Variants in SGCZ observed in about 807,000 individuals in gnomAD.
The protein encoded by SGCZ is sarcoglycan zeta.
A neutral mutation model predicts 41.3 loss-of-function variants in SGCZ; 40 were observed. The ratio of observed to expected loss-of-function variants is 0.97; its 90% CI spans 0.75 to 1.26. The LOEUF is 1.26. Ranked by LOEUF, SGCZ falls within the 50% of genes most tolerant of loss-of-function variation. The probability of loss-of-function intolerance (pLI) is 0.00; values close to 1 mark genes in which losing one functional copy is unlikely to be tolerated. For missense variants in SGCZ, 552 were observed against 369.8 expected (o/e 1.49, Z -4.04); for synonymous variants, 206 against 137.5 (o/e 1.50, Z -3.49).
At chr8:14,125,497 C>G (rs1474846682) in intron 5 of SGCZ, among the ~76,000 whole-genome samples, 1 of 126,256 alleles carries the variant, frequency 7.9e-6, no homozygotes, top group South Asian at 2.5e-4. Flanking sequence ...GAGAAAGATT[C>G]CGTCTCAAAA....
chr8:15,149,176 A>T (rs1799112312), intron 1 of SGCZ, among the ~76,000 whole-genome samples: 1 of 151,374 alleles, frequency 6.6e-6, no homozygotes, highest in Non-Finnish European at 1.5e-5. Context: ...CATTATTCTT[A>T]TTTTTTTTTA....
chr8:14,869,405 C>T (rs989569694), intron 1 of SGCZ, among the ~76,000 whole-genome samples: 8 of 152,150 alleles, frequency 5.3e-5, no homozygotes, highest in Non-Finnish European at 8.8e-5. Context: ...ATGCTAAAAA[C>T]TCACAATAAA....
At chr8:14,676,374 C>A (rs1362206808) in intron 1 of SGCZ, among the ~76,000 whole-genome samples, 1 of 87,848 alleles carries the variant, frequency 1.1e-5, no homozygotes, top group Non-Finnish European at 2.4e-5. Flanking sequence ...GTGTGTATCT[C>A]CAGCCCTGAT....
chr8:14,979,001 G>A (rs1464042653), intron 1 of SGCZ, among the ~76,000 whole-genome samples: 1 of 152,070 alleles, frequency 6.6e-6, no homozygotes, highest in Non-Finnish European at 1.5e-5. Context: ...GTTTTGCCAT[G>A]TTGCCCAGGC....
At chr8:15,081,597 T>A (rs1321900777) in intron 1 of SGCZ, among the ~76,000 whole-genome samples, 1 of 151,956 alleles carries the variant, frequency 6.6e-6, no homozygotes, top group Non-Finnish European at 1.5e-5. Flanking sequence ...TAATAAGTAT[T>A]AAGTAGAGGG....
chr8:15,169,921 A>C (rs1563163509), intron 1 of SGCZ, among the ~76,000 whole-genome samples: 1 of 152,218 alleles, frequency 6.6e-6, no homozygotes, highest in African/African-American at 2.4e-5. Context: ...GCATTAACCT[A>C]GAAAAGAGTG....
At chr8:14,635,065 A>T (rs1877021) in intron 1 of SGCZ, among the ~76,000 whole-genome samples, 55,984 of 151,164 alleles carry the variant, frequency 0.37, 10,552 homozygotes, top group East Asian at 0.62. Context: ...TAGTATTATA[A>T]TTTAAAAACA....
chr8:14,614,592 C>T (rs113026674), intron 1 of SGCZ, among the ~76,000 whole-genome samples: 2 of 152,132 alleles, frequency 1.3e-5, no homozygotes, highest in African/African-American at 2.4e-5. Context: ...AAAATTCAAA[C>T]TGCAAATTTG....
At chr8:14,448,118 G>A (rs10105771) in intron 2 of SGCZ, among the ~76,000 whole-genome samples, 3 of 151,426 alleles carry the variant, frequency 2.0e-5, no homozygotes, top group African/African-American at 7.4e-5. Context: ...TAGGAGACAG[G>A]AGATGGAATG....
rs1229784922 is a variant in SGCZ at position 14,086,247 on chromosome 8, A to T, written c.*4196T>A. On this transcript the variant is annotated 3_prime_UTR_variant, in exon 8 of 8. Transcript: ENST00000382080. Reference sequence around the variant, plus strand: ...GGATTTTATAGAAAATTTGGCTATTAAATACTTTCAATGATTTTAATAATT... The same window carrying T: ...GGATTTTATAGAAAATTTGGCTATTTAATACTTTCAATGATTTTAATAATT... 1.3e-5 allele frequency among the ~76,000 whole-genome samples: 2 copies of T among 151,700 alleles called. No homozygotes were observed. The highest frequency in any genetic ancestry group is 3.0e-5 in the Non-Finnish European group (2 of 67,744).
chr8:14,865,442 G>GGAAAAC (rs1803895182), intron 1 of SGCZ, among the ~76,000 whole-genome samples: 3 of 151,828 alleles, frequency 2.0e-5, no homozygotes, highest in African/African-American at 7.3e-5. Context: ...TCTGCCCTCA[G>GGAAAAC]GAACACAATC....
chr8:14,829,119 T>G (rs1341533155), intron 1 of SGCZ, among the ~76,000 whole-genome samples: 1 of 133,258 alleles, frequency 7.5e-6, no homozygotes, highest in African/African-American at 3.5e-5. Context: ...TGGAGTTTGT[T>G]GTACAGATTA....
At chr8:14,565,625 C>T (rs141928027) in intron 1 of SGCZ, among the ~76,000 whole-genome samples, 14 of 152,078 alleles carry the variant, frequency 9.2e-5, no homozygotes, top group Non-Finnish European at 1.9e-4. Flanking sequence ...TGGCCAGAAA[C>T]GCAGCAGGAG....
chr8:14,494,426 G>A (rs1370104380), intron 2 of SGCZ, among the ~76,000 whole-genome samples: 4 of 152,124 alleles, frequency 2.6e-5, no homozygotes, highest in Non-Finnish European at 5.9e-5. Context: ...GATGAGAGAA[G>A]AAGAATGATA....
Position 14,337,274 on chromosome 8 carries a change from C to T in SGCZ, c.235-13070G>A, listed in dbSNP as rs559509480. Among the ~76,000 whole-genome samples the T allele has an allele frequency of 5.9e-5, 9 of 152,182 alleles. No individual in the cohort carries two copies. In the South Asian group the frequency reaches 1.7e-3, roughly 28 times the overall value. On this transcript the variant is annotated intron_variant, in intron 2 of 7. Transcript: ENST00000382080. The stretch of plus-strand genomic sequence containing the variant: ...CTGGCCACTGTCTACAAAACTAGGG[C>T]TTAGTTGCAACACAAAGCTGTGTAT...
chr8:15,031,265 C>T (rs1339889983), intron 1 of SGCZ, among the ~76,000 whole-genome samples: 1 of 152,080 alleles, frequency 6.6e-6, no homozygotes, highest in Non-Finnish European at 1.5e-5. Flanking sequence ...ACAATTTCTT[C>T]TTAGTTATGG....
chr8:14,572,473 A>G (rs1804583818), intron 1 of SGCZ, among the ~76,000 whole-genome samples: 1 of 151,812 alleles, frequency 6.6e-6, no homozygotes, highest in Admixed American at 6.6e-5. Flanking sequence ...ACAGGTGTTA[A>G]CTCATTTAAT....
intron 3 of SGCZ, among the ~76,000 whole-genome samples, chr8:14,272,024 G>A (rs913461000): frequency 3.9e-5 from 6 of 152,100 alleles, no homozygotes; most frequent in Non-Finnish European, 7.3e-5. Flanking sequence ...TTATTTTTAA[G>A]ATGGAGTCTC....
At chr8:15,076,267 G>A (rs1304865316) in intron 1 of SGCZ, among the ~76,000 whole-genome samples, 2 of 152,100 alleles carry the variant, frequency 1.3e-5, no homozygotes, top group Non-Finnish European at 2.9e-5. Context: ...TTATAACAAA[G>A]AGAGCAGAAA....
Sources: gnomAD v4.1 joint callset for allele counts (sites outside exome capture counted in the v4.1 genomes callset) on GRCh38, gnomAD v4.1.1 for gene constraint, MANE v1.5 for transcripts, NCBI Gene and HGNC (gene_info 2026-07-23, HGNC 2026-07-21) for gene names.